Variants in SEC24C observed in about 807,000 individuals in gnomAD.
SEC24C encodes protein transport protein Sec24C.
A neutral mutation model predicts 117.0 loss-of-function variants in SEC24C; 22 were observed. The ratio of observed to expected loss-of-function variants is 0.19; its 90% confidence interval spans 0.13 to 0.27. The LOEUF (loss-of-function observed/expected upper bound fraction) is 0.27, where lower values mean the gene tolerates loss of function less well. SEC24C is among the 10% of genes least tolerant of loss of function. SEC24C has a pLI of 1.00. For missense variants in SEC24C, 1,155 were observed against 1,375.1 expected, an observed-to-expected ratio of 0.84 and a Z score of 2.53; for synonymous variants, 506 against 529.4, an observed-to-expected ratio of 0.96 and a Z score of 0.61.
intron 1 of SEC24C, among the ~76,000 whole-genome samples, chr10:73,745,957 C>A (rs574233173): frequency 6.6e-6 from 1 of 151,682 alleles, no homozygotes; most frequent in African/African-American, 2.4e-5. Flanking sequence ...GTCAGGAGAT[C>A]GAGACCAGCC....
At chr10:73,745,071 A>G (rs1276864405) in intron 1 of SEC24C, among the ~76,000 whole-genome samples, 2 of 152,186 alleles carry the variant, frequency 1.3e-5, no homozygotes, top group Non-Finnish European at 2.9e-5. Context: ...GACCAGGATC[A>G]GCTCCTTTTC....
chr10:73,760,076 C>T lies in SEC24C; in HGVS notation c.540C>T (p.Gly180=), dbSNP rs1343665178. The part of the protein sequence containing the change: ...SGSFPNSGLY[G]SYPQGQAPPL... ...GTTTCCCTAACTCTGGTCTGTATGG[C>T]TCCTATCCTCAGGGCCAGGCTCCTC... Residue 180 remains glycine (G), a synonymous_variant, in exon 5 of 23, where the codon GGC becomes GGT. Transcript: ENST00000345254. The T allele has an allele frequency of 6.2e-7, 1 of 1,612,112 alleles. No individual in the cohort carries two copies. The highest frequency in any genetic ancestry group is 1.3e-5 in the African/African-American group (1 of 74,894).
intron 3 of SEC24C, among the ~76,000 whole-genome samples, chr10:73,752,974 A>T (rs2082662739): frequency 6.6e-6 from 1 of 152,158 alleles, no homozygotes; most frequent in South Asian, 2.1e-4. Context: ...CATGTGCCCC[A>T]ATTCAAACAT....
Position 73,746,861 on chromosome 10 carries a change from T to C in SEC24C, c.29T>C (p.Val10Ala), listed in dbSNP as rs764850711. MNVNQSVPPVPPFGQPQPIY... is the reference protein window; with the variant it reads MNVNQSVPPAPPFGQPQPIY... ...AACGTCAACCAGTCAGTTCCACCTG[T>C]GCCACCATTTGGGCAGCCCCAGCCC... The change falls in exon 2 of 23, where the codon GTG becomes GCG. Residue 10 changes from valine (V) to alanine (A), a missense_variant. By Grantham distance (64) the Val-to-Ala change is moderately conservative. Transcript: ENST00000345254. The C allele has an allele frequency of 1.2e-6, 2 of 1,612,112 alleles. No homozygotes were observed. Among genetic ancestry groups the C allele is most frequent in the East Asian group, 4.5e-5 (2 of 44,784 alleles).
rs201832892 is a variant in SEC24C, at chr10:73,751,133, G to T, written c.198G>T (p.Ser66=). 13 of 1,613,800 alleles carry T rather than the reference G, an allele frequency of 8.1e-6. No homozygotes were observed. In the African/African-American group the frequency reaches 1.5e-4, roughly 18 times the overall value. Residue 66 remains serine (S), a synonymous_variant, in exon 3 of 23, where the codon TCG becomes TCT. Coordinates refer to ENST00000345254, the MANE Select transcript of SEC24C (RefSeq NM_198597.3). Reference sequence around the variant, plus strand: ...GTATGTCAAGAGCCCCACCTTCCTCGGGGGCACCTCCAGCCTCAACAGCAC... The same window carrying T: ...GTATGTCAAGAGCCCCACCTTCCTCTGGGGCACCTCCAGCCTCAACAGCAC... ...PQGMSRAPPS[S]GAPPASTAQA...
At chr10:73,745,542 G>T (rs1459718251) in intron 1 of SEC24C, among the ~76,000 whole-genome samples, 6 of 113,116 alleles carry the variant, frequency 5.3e-5, no homozygotes, top group African/African-American at 1.8e-4. Flanking sequence ...AGAGTTTTCA[G>T]GTGTCCTTTA....
chr10:73,749,385 T>C (rs1167092286), intron 2 of SEC24C, among the ~76,000 whole-genome samples: 2 of 152,186 alleles, frequency 1.3e-5, no homozygotes, highest in Non-Finnish European at 2.9e-5. Flanking sequence ...TGCCTGACTT[T>C]TGGTGCGTCT....
chr10:73,762,988 T>C (rs2082820289), intron 6 of SEC24C, among the ~76,000 whole-genome samples: 1 of 152,224 alleles, frequency 6.6e-6, no homozygotes, highest in Non-Finnish European at 1.5e-5. Context: ...TTTAAATCTC[T>C]CCTCACCCTG....
chr10:73,755,088 G>GCAC (rs956715276), intron 3 of SEC24C, among the ~76,000 whole-genome samples: 1 of 151,308 alleles, frequency 6.6e-6, no homozygotes, highest in African/African-American at 2.4e-5. Context: ...AGCCGAAATC[G>GCAC]CACCGCTGCA....
intron 15 of SEC24C, among the ~76,000 whole-genome samples, chr10:73,768,372 G>A (rs10824032): frequency 0.49 from 74,832 of 152,020 alleles, 19,831 homozygotes; most frequent in Middle Eastern, 0.64. Context: ...GTAAGACTCC[G>A]TCTCCAAAAA....
chr10:73,771,173 A>G lies in SEC24C; in HGVS notation c.*78A>G. 1 of 1,526,848 alleles carries G rather than the reference A, an allele frequency of 6.5e-7. No individual in the cohort carries two copies. Among genetic ancestry groups the G allele is most frequent in the African/African-American group, 1.4e-5 (1 of 72,642 alleles). The allele number at this position is 1,526,848 out of a possible 1,614,324, so 94.6% of individuals were successfully genotyped here. Reference sequence around the variant, plus strand: ...GGATGTCAGAGAAATTGGGACAGTAACATATCTTATGTAAGCTGACCTCAG... The same window carrying G: ...GGATGTCAGAGAAATTGGGACAGTAGCATATCTTATGTAAGCTGACCTCAG... On this transcript the variant is annotated 3_prime_UTR_variant, in exon 23 of 23. Coordinates refer to ENST00000345254, the MANE Select transcript of SEC24C (RefSeq NM_198597.3).
intron 12 of SEC24C, 43 bp from the exon 13 acceptor site, chr10:73,766,717 C>T: frequency 6.4e-7 from 1 of 1,560,480 alleles, no homozygotes; most frequent in Non-Finnish European, 8.8e-7. Flanking sequence ...TATCTGGAAT[C>T]TGTATAGCAA....
intron 13 of SEC24C, 95 bp from the exon 14 acceptor site, chr10:73,766,959 G>A: frequency 7.4e-7 from 1 of 1,358,898 alleles, no homozygotes; most frequent in Non-Finnish European, 1.1e-6. Flanking sequence ...ACTGTCCAGT[G>A]TGTTAGACTG....
chr10:73,752,222 G>T (rs914631825), intron 3 of SEC24C: 2 of 152,074 alleles, frequency 1.3e-5, no homozygotes, highest in Non-Finnish European at 2.9e-5. Flanking sequence ...CTCAGGCTCA[G>T]GTGACCCTCC....
At chr10:73,748,973 C>G (rs2082603990) in intron 2 of SEC24C, among the ~76,000 whole-genome samples, 1 of 152,206 alleles carries the variant, frequency 6.6e-6, no homozygotes, top group South Asian at 2.1e-4. Flanking sequence ...GAACTCCTGA[C>G]CTCAGGTGAT....
chr10:73,763,893 T>C lies in SEC24C; in HGVS notation c.1137T>C (p.Tyr379=). 1 of 1,613,742 alleles carries C rather than the reference T, an allele frequency of 6.2e-7. No individual in the cohort carries two copies. The highest frequency in any genetic ancestry group is 1.1e-5 in the South Asian group (1 of 91,038). The part of the protein sequence containing the change: ...ASPRYIRCTS[Y]NIPCTSDMAK... ...CCCGATACATCCGATGTACATCCTA[T>C]AATATCCCTTGCACATCTGACATGG... Residue 379 remains tyrosine, a synonymous_variant, in exon 8 of 23, where the codon TAT becomes TAC. Transcript: ENST00000345254.
At chr10:73,761,636 G>A (rs192310150) in intron 6 of SEC24C, among the ~76,000 whole-genome samples, 66 of 152,202 alleles carry the variant, frequency 4.3e-4, no homozygotes, top group Middle Eastern at 3.4e-3. Context: ...CACAGTGAGG[G>A]AGCCTGTTGG....
chr10:73,759,896 C>G (rs1313960056), intron 4 of SEC24C, 102 bp downstream of exon 4: 10 of 1,482,418 alleles, frequency 6.7e-6, no homozygotes, highest in Non-Finnish European at 7.2e-6. Context: ...ATTTCCTGTG[C>G]CTCTGAGCCT....
At chr10:73,765,308 C>T (rs1043433046) in intron 8 of SEC24C, 143 bp from the exon 9 acceptor site, 1 of 823,326 alleles carries the variant, frequency 1.2e-6, no homozygotes. Flanking sequence ...TCTTTACTCC[C>T]TTTCATCATT....
Sources: gnomAD v4.1 joint callset for allele counts (sites outside exome capture counted in the v4.1 genomes callset) on GRCh38, gnomAD v4.1.1 for gene constraint, MANE v1.5 for transcripts, NCBI Gene and HGNC (gene_info 2026-07-23, HGNC 2026-07-21) for gene names.